The following RP1 variants were observed in gnomAD, a reference collection of about 807,000 sequenced individuals.
RP1 encodes the protein oxygen-regulated protein 1.
In RP1, 16 loss-of-function variants were observed where a neutral mutation model predicts 14.8. That is an observed-to-expected ratio of 1.08 (90% CI 0.73 to 1.65). The LOEUF (loss-of-function observed/expected upper bound fraction) is 1.65, where lower values mean the gene tolerates loss of function less well. Among genes scored for constraint, RP1 ranks in the 40% most tolerant of loss-of-function variants. The pLI is 0.00. For synonymous variants in RP1, 876 were observed against 883.6 expected, an observed-to-expected ratio of 0.99 and a Z score of 0.15; for missense variants, 2,631 against 2,535.0, an observed-to-expected ratio of 1.04 and a Z score of -0.81.
At chr8:54,592,906 T>A (rs1805071668) in intron 1 of RP1, among the ~76,000 whole-genome samples, 1 of 152,168 alleles carries the variant, frequency 6.6e-6, no homozygotes, top group African/African-American at 2.4e-5. Flanking sequence ...TAGGAAGTGC[T>A]CCTTTTATCA....
intron 24 of RP1, among the ~76,000 whole-genome samples, chr8:54,809,352 A>G (rs188550666): frequency 1.3e-5 from 2 of 152,316 alleles, no homozygotes; most frequent in South Asian, 2.1e-4. Flanking sequence ...AGTTATGTAT[A>G]TGCTTCCAAA....
intron 19 of RP1, among the ~76,000 whole-genome samples, chr8:54,752,802 T>C (rs1809408917): frequency 6.6e-6 from 1 of 152,156 alleles, no homozygotes. Context: ...AGAAAACCCA[T>C]ACAGATTTAG....
chr8:54,845,248 A>G (rs1430689878), intron 25 of RP1, among the ~76,000 whole-genome samples: 1 of 152,178 alleles, frequency 6.6e-6, no homozygotes, highest in African/African-American at 2.4e-5. Flanking sequence ...GGTGGCCTAG[A>G]AAGGGTGCAG....
intron 1 of RP1, among the ~76,000 whole-genome samples, chr8:54,617,813 G>C (rs1585554844): frequency 6.6e-6 from 1 of 151,334 alleles, no homozygotes; most frequent in Admixed American, 6.6e-5. Flanking sequence ...TATTAAGACA[G>C]GGCAAAAGCT....
chr8:54,731,833 A>C (rs1808801546), intron 17 of RP1, among the ~76,000 whole-genome samples: 2 of 152,158 alleles, frequency 1.3e-5, no homozygotes, highest in Non-Finnish European at 2.9e-5. Flanking sequence ...ATTTCATTTC[A>C]GAGTTTGTTT....
intron 1 of RP1, among the ~76,000 whole-genome samples, chr8:54,567,994 C>T (rs769699339): frequency 5.2e-4 from 79 of 152,086 alleles, no homozygotes; most frequent in African/African-American, 1.9e-3. Context: ...ATATATAGTC[C>T]AGGGCTGGTA....
chr8:54,691,538 C>A lies in RP1; in HGVS notation c.1718-7929C>A, dbSNP rs148396890. On this transcript the variant is annotated intron_variant, in intron 12 of 22. Transcript: ENST00000636932. ...AAAAGTATATGAACCTGATGCTGAGCGAGAGATGAGTGGAGATACAGGTTT... is the reference window on the plus strand; with the variant it reads ...AAAAGTATATGAACCTGATGCTGAGAGAGAGATGAGTGGAGATACAGGTTT... Among the ~76,000 whole-genome samples, 7 of 151,966 alleles carry A rather than the reference C, an allele frequency of 4.6e-5. No individual in the cohort carries two copies. The East Asian group carries it at 1.4e-3, about 29-fold the overall frequency.
chr8:54,601,309 G>A lies in RP1; in HGVS notation c.-12-19646G>A, dbSNP rs536780055. 1.6e-4 allele frequency among the ~76,000 whole-genome samples: 24 copies of A among 151,292 alleles called. No individual in the cohort carries two copies. The South Asian group carries it at 4.0e-3, about 25-fold the overall frequency. On this transcript the variant is annotated intron_variant, in intron 1 of 22. Transcript: ENST00000636932. ...ATATGTAATTTTTTTTGAAAGAAGC[G>A]ATATTCACAAGAACAAAAAACCAAA...
Position 54,627,483 on chromosome 8 carries a change from C to T in RP1, c.3601C>T (p.Gln1201Ter). Residue 1201 changes from glutamine to a stop codon, truncating the protein, a stop_gained, in exon 4 of 4, where the codon CAA (glutamine) becomes TAA (stop). Coordinates refer to ENST00000220676, the MANE Select transcript of RP1 (RefSeq NM_006269.2). LOFTEE classifies it low-confidence loss of function (END_TRUNC). Reference protein sequence around the residue: ...TSHFGLSEKEQDMVPIDLSAN... With the variant: ...TSHFGLSEKE ...CCACTTTGGACTCAGTGAGAAAGAA[C>T]AAGACATGGTTCCAATAGATCTTTC... is the stretch of plus-strand genomic sequence containing the variant. 1 of 1,614,156 alleles carries T rather than the reference C, an allele frequency of 6.2e-7. No individual in the cohort carries two copies. Among genetic ancestry groups the T allele is most frequent in the East Asian group, 2.2e-5 (1 of 44,888 alleles).
intron 24 of RP1, among the ~76,000 whole-genome samples, chr8:54,825,248 C>G (rs535648838): frequency 6.6e-6 from 1 of 152,172 alleles, no homozygotes; most frequent in South Asian, 2.1e-4. Flanking sequence ...CGTGAGTCAC[C>G]GTGCCAGGTC....
intron 25 of RP1, among the ~76,000 whole-genome samples, chr8:54,842,301 T>C (rs1811806657): frequency 6.6e-6 from 1 of 152,226 alleles, no homozygotes; most frequent in Non-Finnish European, 1.5e-5. Flanking sequence ...GAGTTTCTGT[T>C]ACTCTCTTTG....
At chr8:54,845,867 G>C (rs1488874417) in intron 25 of RP1, among the ~76,000 whole-genome samples, 1 of 152,154 alleles carries the variant, frequency 6.6e-6, no homozygotes, top group Non-Finnish European at 1.5e-5. Flanking sequence ...CAACATCTTA[G>C]ACTAGGTTAG....
At chr8:54,746,896 C>A (rs977431187) in intron 19 of RP1, among the ~76,000 whole-genome samples, 5 of 152,146 alleles carry the variant, frequency 3.3e-5, no homozygotes, top group Non-Finnish European at 7.3e-5. Flanking sequence ...ATTCCCTCAT[C>A]CAACCTGCTT....
At chr8:54,795,408 T>A (rs1186689310) in intron 24 of RP1, among the ~76,000 whole-genome samples, 4 of 152,074 alleles carry the variant, frequency 2.6e-5, no homozygotes, top group Non-Finnish European at 4.4e-5. Flanking sequence ...GTGCAGAATA[T>A]ACTATGGAAA....
At chr8:54,641,458 AAC>A (rs1055913492) in intron 3 of RP1, among the ~76,000 whole-genome samples, 2 of 152,186 alleles carry the variant, frequency 1.3e-5, no homozygotes, top group African/African-American at 4.8e-5. Flanking sequence ...CAAGGTTGAT[AAC>A]AGTTTTTACA....
downstream of RP1, among the ~76,000 whole-genome samples, chr8:54,770,851 G>A (rs182237018): frequency 2.0e-3 from 296 of 151,236 alleles, 1 homozygote; most frequent in Non-Finnish European, 3.0e-3. Flanking sequence ...TTTTCTATTA[G>A]GTCCTCTTCA....
intron 24 of RP1, among the ~76,000 whole-genome samples, chr8:54,803,796 A>G (rs149625701): frequency 0.029 from 4,369 of 152,308 alleles, 121 homozygotes; most frequent in African/African-American, 0.064. Flanking sequence ...TGGGCCGGGC[A>G]CAATGGCTCA....
chr8:54,611,864 C>T, upstream of RP1, among the ~76,000 whole-genome samples: 1 of 142,096 alleles, frequency 7.0e-6, no homozygotes, highest in South Asian at 2.5e-4. Context: ...GTTTTCTTTC[C>T]CTCCCTCCCT....
At chr8:54,850,539 A>G (rs1336244617) in intron 25 of RP1, among the ~76,000 whole-genome samples, 1 of 152,166 alleles carries the variant, frequency 6.6e-6, no homozygotes, top group African/African-American at 2.4e-5. Context: ...TTGAGCTTTG[A>G]CTTTTCCTGC....
Sources: allele counts gnomAD v4.1 joint callset (sites outside exome capture counted in the v4.1 genomes callset), GRCh38; gene constraint gnomAD v4.1.1; transcripts MANE v1.5; gene names NCBI Gene and HGNC (gene_info 2026-07-23, HGNC 2026-07-21).